Variants in AKT3 observed in about 807,000 individuals in gnomAD.
AKT3 encodes AKT serine/threonine kinase 3.
In AKT3, 15 loss-of-function variants were observed where a neutral mutation model predicts 65.3. The ratio of observed to expected loss-of-function variants is 0.23; its 90% CI spans 0.15 to 0.35. AKT3 has a LOEUF of 0.35. Ranked by LOEUF, AKT3 falls within the 10% of genes least tolerant of loss-of-function variation. AKT3 has a pLI of 1.00. For synonymous variants in AKT3, 206 were observed against 183.8 expected, an observed-to-expected ratio of 1.12 and a Z score of -0.98; for missense variants, 243 against 576.5, an observed-to-expected ratio of 0.42 and a Z score of 5.92.
intron 3 of AKT3, among the ~76,000 whole-genome samples, chr1:243,686,795 C>T (rs979407385): frequency 2.0e-5 from 3 of 147,276 alleles, no homozygotes; most frequent in African/African-American, 7.5e-5. Context: ...AGCCCAGTAG[C>T]TGGGACTATA....
chr1:243,680,066 CTG>C (rs1376582040), intron 3 of AKT3, among the ~76,000 whole-genome samples: 1 of 152,126 alleles, frequency 6.6e-6, no homozygotes, highest in Non-Finnish European at 1.5e-5. Context: ...GAAGCAATAA[CTG>C]TTGCTGGTTG....
chr1:243,788,005 G>A (rs1464779374), intron 2 of AKT3, among the ~76,000 whole-genome samples: 1 of 152,012 alleles, frequency 6.6e-6, no homozygotes, highest in Non-Finnish European at 1.5e-5. Flanking sequence ...ACATACAGTC[G>A]CTTTCTGGAA....
chr1:243,675,447 C>T (rs1301395135), intron 3 of AKT3, among the ~76,000 whole-genome samples: 6 of 152,134 alleles, frequency 3.9e-5, no homozygotes, highest in Non-Finnish European at 8.8e-5. Flanking sequence ...GTGATCAGCC[C>T]GCCTCCACTT....
intron 2 of AKT3, among the ~76,000 whole-genome samples, chr1:243,734,275 T>C (rs1046080092): frequency 6.6e-6 from 1 of 152,198 alleles, no homozygotes. Flanking sequence ...CACTGAAGTA[T>C]TGTTTAAAAA....
chr1:243,514,913 A>G (rs1172558586), intron 12 of AKT3, among the ~76,000 whole-genome samples: 1 of 152,234 alleles, frequency 6.6e-6, no homozygotes, highest in East Asian at 1.9e-4. Flanking sequence ...AAGATGATGA[A>G]AACATCTACC....
chr1:243,806,332 G>T (rs1692725712), intron 2 of AKT3, among the ~76,000 whole-genome samples: 1 of 151,930 alleles, frequency 6.6e-6, no homozygotes, highest in South Asian at 2.1e-4. Flanking sequence ...TAACATGATA[G>T]GCATGTACTT....
chr1:243,565,487 A>G (rs543564770), intron 9 of AKT3, among the ~76,000 whole-genome samples: 4 of 152,326 alleles, frequency 2.6e-5, no homozygotes, highest in African/African-American at 9.6e-5. Flanking sequence ...AGCCTCTCAA[A>G]GTTCTGGGAT....
intron 11 of AKT3, among the ~76,000 whole-genome samples, chr1:243,551,448 C>A (rs1216425752): frequency 2.6e-5 from 4 of 152,090 alleles, no homozygotes; most frequent in Non-Finnish European, 4.4e-5. Flanking sequence ...TTGCTTATTT[C>A]TGCTGAAGAT....
At chr1:243,553,762 T>C (rs1377713121) in intron 10 of AKT3, among the ~76,000 whole-genome samples, 2 of 152,204 alleles carry the variant, frequency 1.3e-5, no homozygotes, top group Non-Finnish European at 2.9e-5. Flanking sequence ...AATGGTAACA[T>C]GGTAACCTAC....
chr1:243,514,800 C>T (rs1000994626), intron 12 of AKT3, among the ~76,000 whole-genome samples: 4 of 152,038 alleles, frequency 2.6e-5, no homozygotes, highest in South Asian at 2.1e-4. Context: ...CATTCCAACC[C>T]GGCCGGGGCG....
intron 3 of AKT3, among the ~76,000 whole-genome samples, chr1:243,688,879 CCATTCA>C (rs1684508839): frequency 6.6e-6 from 1 of 151,964 alleles, no homozygotes; most frequent in Non-Finnish European, 1.5e-5. Context: ...ATTGCCTATA[CCATTCA>C]CAAAACAAGC....
intron 2 of AKT3, among the ~76,000 whole-genome samples, chr1:243,741,385 C>T (rs1688145569): frequency 6.6e-6 from 1 of 152,110 alleles, no homozygotes; most frequent in African/African-American, 2.4e-5. Flanking sequence ...ACCTTTTTCT[C>T]ATGCCAATGT....
At chr1:243,773,074 T>G (rs1558797760) in intron 2 of AKT3, among the ~76,000 whole-genome samples, 1 of 148,808 alleles carries the variant, frequency 6.7e-6, no homozygotes, top group African/African-American at 2.5e-5. Context: ...CATTAGGAGA[T>G]ATATCTAATG....
intron 2 of AKT3, among the ~76,000 whole-genome samples, chr1:243,807,940 C>G (rs1164083741): frequency 6.6e-6 from 1 of 152,190 alleles, no homozygotes; most frequent in Non-Finnish European, 1.5e-5. Context: ...AGTGGACCTC[C>G]AGCAAACTCC....
chr1:243,833,141 G>C (rs1694644826), intron 2 of AKT3, among the ~76,000 whole-genome samples: 1 of 151,904 alleles, frequency 6.6e-6, no homozygotes, highest in Admixed American at 6.6e-5. Context: ...CACACCTATA[G>C]TCCCAGAGGC....
intron 8 of AKT3, among the ~76,000 whole-genome samples, chr1:243,600,048 C>T (rs1156385483): frequency 6.6e-6 from 1 of 151,930 alleles, no homozygotes; most frequent in African/African-American, 2.4e-5. Context: ...GACTGATAAA[C>T]CATTTATAAC....
At chr1:243,530,795 G>C (rs1165304056) in intron 12 of AKT3, among the ~76,000 whole-genome samples, 1 of 152,082 alleles carries the variant, frequency 6.6e-6, no homozygotes, top group Non-Finnish European at 1.5e-5. Context: ...AAAGAGAGAT[G>C]ATCCAAATAA....
intron 2 of AKT3, chr1:243,793,306 CTT>C (rs1484159310): frequency 6.6e-6 from 1 of 152,040 alleles, no homozygotes; most frequent in Non-Finnish European, 1.5e-5. Context: ...CCAGGCTAGT[CTT>C]AAACTCCTGG....
At chr1:243,815,502 C>G (rs1276457371) in intron 2 of AKT3, among the ~76,000 whole-genome samples, 1 of 151,932 alleles carries the variant, frequency 6.6e-6, no homozygotes. Context: ...GCTCTACATG[C>G]TTTCACTAAT....
Sources: allele counts gnomAD v4.1 joint callset (sites outside exome capture counted in the v4.1 genomes callset), GRCh38; gene constraint gnomAD v4.1.1; transcripts MANE v1.5; gene names NCBI Gene and HGNC (gene_info 2026-07-23, HGNC 2026-07-21).